BRINP1: variants seen among roughly 807,000 people sequenced by gnomAD.
The protein encoded by BRINP1 is BMP/retinoic acid inducible neural specific 1, also known as BMP/retinoic acid-inducible neural-specific protein 1.
BRINP1 carries 17 observed loss-of-function variants against 72.9 expected under a neutral mutation model. That is an observed-to-expected ratio of 0.23 (90% confidence interval 0.16 to 0.35). BRINP1 has a LOEUF of 0.35. BRINP1 is among the 10% of genes least tolerant of loss of function. The pLI is 1.00. For synonymous variants in BRINP1, 418 were observed against 378.5 expected (o/e 1.10, Z -1.21); for missense variants, 850 against 1,001.6 (o/e 0.85, Z 2.04).
intron 7 of BRINP1, among the ~76,000 whole-genome samples, chr9:119,197,765 TC>T (rs767798307): frequency 8.5e-5 from 13 of 152,238 alleles, no homozygotes; most frequent in Admixed American, 2.0e-4. Flanking sequence ...TTTCGTTTAT[TC>T]CCAAACCTGT....
chr9:119,195,688 G>A (rs764730332), intron 7 of BRINP1, among the ~76,000 whole-genome samples: 22 of 152,206 alleles, frequency 1.4e-4, no homozygotes, highest in Admixed American at 5.9e-4. Flanking sequence ...GTTAGCAGTC[G>A]TGCCACCTCT....
intron 7 of BRINP1, among the ~76,000 whole-genome samples, chr9:119,188,188 G>C (rs910370836): frequency 6.8e-6 from 1 of 146,580 alleles, no homozygotes; most frequent in African/African-American, 2.5e-5. Context: ...TCTTGGAAGA[G>C]ACATGAACAT....
At chr9:119,283,401 TAA>T (rs1283519791) in intron 2 of BRINP1, 1 of 154,564 alleles carries the variant, frequency 6.5e-6, no homozygotes, top group East Asian at 1.9e-4. Flanking sequence ...TGATGCAGGT[TAA>T]AGTCTGAGAA....
intron 2 of BRINP1, among the ~76,000 whole-genome samples, chr9:119,303,893 A>C: frequency 8.0e-6 from 1 of 124,950 alleles, no homozygotes; most frequent in East Asian, 2.3e-4. Context: ...TTTTTTTTTA[A>C]TTTTGAGACA....
chr9:119,186,472 G>T (rs1829621778), intron 7 of BRINP1, among the ~76,000 whole-genome samples: 1 of 152,150 alleles, frequency 6.6e-6, no homozygotes, highest in South Asian at 2.1e-4. Context: ...ATCCCTTGGA[G>T]ACCAGGTGCT....
At chr9:119,265,677 CA>C (rs1483122120) in intron 2 of BRINP1, among the ~76,000 whole-genome samples, 2 of 152,138 alleles carry the variant, frequency 1.3e-5, no homozygotes, top group Non-Finnish European at 2.9e-5. Context: ...ATGTCTCTCT[CA>C]AACTCAGTTG....
chr9:119,267,213 T>C (rs1053208640), intron 2 of BRINP1, among the ~76,000 whole-genome samples: 3 of 152,254 alleles, frequency 2.0e-5, no homozygotes, highest in African/African-American at 7.2e-5. Flanking sequence ...GAATCATGGA[T>C]ACTTACTTGC....
At chr9:119,268,693 G>A (rs541181697) in intron 2 of BRINP1, among the ~76,000 whole-genome samples, 74 of 152,126 alleles carry the variant, frequency 4.9e-4, no homozygotes, top group African/African-American at 1.6e-3. Flanking sequence ...TCCAGGCCTC[G>A]GCCCTTTATT....
At chr9:119,221,785 A>G (rs562395446) in intron 5 of BRINP1, among the ~76,000 whole-genome samples, 27 of 152,176 alleles carry the variant, frequency 1.8e-4, no homozygotes, top group Non-Finnish European at 3.4e-4. Flanking sequence ...GCACAATAAA[A>G]TCACCTTTTC....
At position 119,356,037 on chromosome 9, in the gene BRINP1, T is replaced by C. The variant is rs1296047784; in HGVS notation, c.-51+13019A>G. ...GAGATAGAAATTATAAAGATCGAGATAGAGATCTAACCCCTGCTTTCACAA... is the reference window on the plus strand; with the variant it reads ...GAGATAGAAATTATAAAGATCGAGACAGAGATCTAACCCCTGCTTTCACAA... On this transcript the variant is annotated intron_variant, in intron 1 of 7. Transcript: ENST00000265922. Among the ~76,000 whole-genome samples, 4 of 152,310 alleles carry C rather than the reference T, an allele frequency of 2.6e-5. No individual in the cohort carries two copies. In the South Asian group the frequency reaches 6.2e-4, roughly 24 times the overall value.
intron 7 of BRINP1, among the ~76,000 whole-genome samples, chr9:119,169,754 G>A (rs1336564820): frequency 3.3e-3 from 445 of 135,408 alleles, no homozygotes; most frequent in South Asian, 4.6e-3. Context: ...GAAGAGAGCA[G>A]TGGTTCTCCC....
At chr9:119,273,103 T>C (rs900678254) in intron 2 of BRINP1, among the ~76,000 whole-genome samples, 49 of 152,270 alleles carry the variant, frequency 3.2e-4, no homozygotes, top group African/African-American at 1.1e-3. Flanking sequence ...AAGAAACCAA[T>C]AGCATTGAAT....
At chr9:119,259,058 A>G (rs951282851) in intron 2 of BRINP1, among the ~76,000 whole-genome samples, 2 of 152,190 alleles carry the variant, frequency 1.3e-5, no homozygotes, top group Non-Finnish European at 2.9e-5. Context: ...ACAATGCTCT[A>G]CAGAAAAACA....
chr9:119,282,806 A>C (rs1391438565), intron 2 of BRINP1: 4 of 985,216 alleles, frequency 4.1e-6, no homozygotes, highest in Non-Finnish European at 4.8e-6. Context: ...ATGTTGAGTG[A>C]AACCAAGGGG....
At chr9:119,253,788 T>C (rs1830417824) in intron 2 of BRINP1, among the ~76,000 whole-genome samples, 1 of 152,114 alleles carries the variant, frequency 6.6e-6, no homozygotes, top group Non-Finnish European at 1.5e-5. Flanking sequence ...GTACCTGTAA[T>C]ACATAAATGA....
chr9:119,316,779 T>C (rs562722687), intron 1 of BRINP1, among the ~76,000 whole-genome samples: 6 of 152,304 alleles, frequency 3.9e-5, no homozygotes, highest in African/African-American at 1.2e-4. Flanking sequence ...AGGAGATTAA[T>C]GGTGTTTTCA....
intron 7 of BRINP1, among the ~76,000 whole-genome samples, chr9:119,200,987 G>C (rs1829800140): frequency 6.6e-6 from 1 of 152,202 alleles, no homozygotes; most frequent in Non-Finnish European, 1.5e-5. Flanking sequence ...CACTGAGAGA[G>C]ACAAGAAATG....
At chr9:119,361,489 T>G (rs531160681) in intron 1 of BRINP1, among the ~76,000 whole-genome samples, 19 of 152,362 alleles carry the variant, frequency 1.2e-4, no homozygotes, top group Non-Finnish European at 2.4e-4. Context: ...CAGTCTGTGC[T>G]GTAAGGTATG....
At chr9:119,223,329 AC>A (rs1830059702) in intron 5 of BRINP1, among the ~76,000 whole-genome samples, 2 of 152,130 alleles carry the variant, frequency 1.3e-5, no homozygotes, top group African/African-American at 4.8e-5. Flanking sequence ...ATGTCAATGA[AC>A]CTGAAAATAA....
Sources: allele counts gnomAD v4.1 joint callset (sites outside exome capture counted in the v4.1 genomes callset), GRCh38; gene constraint gnomAD v4.1.1; transcripts MANE v1.5; gene names NCBI Gene and HGNC (gene_info 2026-07-23, HGNC 2026-07-21).